The following BANP variants were observed in gnomAD, a reference collection of about 807,000 sequenced individuals.
BANP encodes BTG3 associated nuclear protein, also known as protein BANP.
A neutral mutation model predicts 68.1 loss-of-function variants in BANP; 11 were observed. That is an observed-to-expected ratio of 0.16 (90% CI 0.10 to 0.27). The LOEUF is 0.27. BANP is among the 10% of genes least tolerant of loss of function. The pLI is 1.00. For synonymous variants in BANP, 329 were observed against 303.2 expected (o/e 1.09, Z -0.88); for missense variants, 504 against 722.7 (o/e 0.70, Z 3.47).
chr16:88,053,388 TATC>T (rs1453225414), intron 11 of BANP, among the ~76,000 whole-genome samples: 3 of 124,680 alleles, frequency 2.4e-5, no homozygotes, highest in Admixed American at 1.6e-4. Flanking sequence ...CCTCCTTCAC[TATC>T]ATCACCATCA....
rs1445862002 is a variant in BANP, at chr16:87,957,090, G to A, written c.-69+5575G>A. On this transcript the variant is annotated intron_variant, in intron 1 of 13. Transcript: ENST00000682872. This position sits in a 1 kb window ranked among gnomAD's most constrained non-coding sequence, Gnocchi z 4.3. ...AAAGAACCACTCTGCAATCCTTCGC[G>A]TCTACACTTCGTCAAGAACCGTCCA... is the stretch of plus-strand genomic sequence containing the variant. 2.0e-5 allele frequency: 3 copies of A among 152,108 alleles called. No homozygotes were observed. The highest frequency in any genetic ancestry group is 2.9e-5 in the Non-Finnish European group (2 of 68,022). 9.4% of individuals were successfully genotyped at this position (152,108 alleles called of 1,614,324 possible). A position where few individuals can be genotyped will look rare whatever the true frequency, so the allele number is the denominator to read the frequency against.
At chr16:88,030,140 T>C (rs2077836861) in intron 8 of BANP, among the ~76,000 whole-genome samples, 1 of 152,172 alleles carries the variant, frequency 6.6e-6, no homozygotes, top group Non-Finnish European at 1.5e-5. Context: ...AACAACACTT[T>C]TAAAAGAAAG....
intron 5 of BANP, among the ~76,000 whole-genome samples, chr16:88,005,322 T>C (rs918985364): frequency 6.6e-6 from 1 of 152,152 alleles, no homozygotes; most frequent in African/African-American, 2.4e-5. Context: ...AAGTGCAGAG[T>C]GCAGCGCCCT....
chr16:88,004,314 G>A lies in BANP; in HGVS notation c.382G>A (p.Val128Ile). The A allele has an allele frequency of 6.5e-7, 1 of 1,547,662 alleles. No homozygotes were observed. Among genetic ancestry groups the A allele is most frequent in the Non-Finnish European group, 8.7e-7 (1 of 1,143,986 alleles). The change falls in exon 5 of 14, where the codon GTA becomes ATA. Residue 128 changes from valine (V) to isoleucine (I), a missense_variant. By Grantham distance (29) the Val-to-Ile change is conservative. Coordinates refer to ENST00000682872, the MANE Select transcript of BANP (RefSeq NM_001386991.1). The surrounding 1 kb of genome is among the most constrained non-coding windows in gnomAD (Gnocchi z 7.0). ...CCCTAGCGTCGTCCCCCAGACTACA[G>A]TAATACTCAACAATGATCGGCAGAA... ...KVRCVVPQTTVILNNDRQNAI... is the reference protein window; with the variant it reads ...KVRCVVPQTTIILNNDRQNAI...
In BANP at chr16:87,959,276, T is replaced by A. The variant is rs1183134771; in HGVS notation, c.-69+7761T>A. Reference sequence around the variant, plus strand: ...TATGTAATTTTCTCATCATGAAATATTGTTCTTTTGTTATTTTTCTGTTTT... The same window carrying A: ...TATGTAATTTTCTCATCATGAAATAATGTTCTTTTGTTATTTTTCTGTTTT... On this transcript the variant is annotated intron_variant, in intron 1 of 13. Transcript: ENST00000682872. Among the ~76,000 whole-genome samples, 3 of 152,246 alleles carry A rather than the reference T, an allele frequency of 2.0e-5. No homozygotes were observed. In the East Asian group the frequency reaches 5.8e-4, roughly 29 times the overall value.
chr16:87,982,096 T>C (rs2063380622), intron 3 of BANP, among the ~76,000 whole-genome samples: 1 of 152,382 alleles, frequency 6.6e-6, no homozygotes, highest in Middle Eastern at 3.4e-3. Context: ...AATGCCTGTT[T>C]CCAACCAATG....
intron 4 of BANP, among the ~76,000 whole-genome samples, chr16:87,993,460 A>G (rs1467278057): frequency 6.6e-6 from 1 of 152,188 alleles, no homozygotes; most frequent in Non-Finnish European, 1.5e-5. Context: ...ACTCTGGGTT[A>G]GAATCTAGTT....
chr16:88,065,368 T>C, intron 12 of BANP, 36 bp downstream of exon 12: 1 of 740,764 alleles, frequency 1.3e-6, no homozygotes, highest in Non-Finnish European at 2.5e-6. Context: ...TCCCACCCTC[T>C]GTGGCTGGGA....
Position 88,057,679 on chromosome 16 carries a change from AG to A in BANP, c.1312-7585del, listed in dbSNP as rs1390166680. Among the ~76,000 whole-genome samples, 1 of 144,724 alleles carries A rather than the reference AG, an allele frequency of 6.9e-6. No homozygotes were observed. The highest frequency in any genetic ancestry group is 1.5e-5 in the Non-Finnish European group (1 of 66,460). The allele number at this position is 144,724 out of a possible 152,430, so 94.9% of individuals were successfully genotyped here. On this transcript the variant is annotated intron_variant, in intron 11 of 13. Transcript: ENST00000682872. The surrounding 1 kb of genome is among the most constrained non-coding windows in gnomAD (Gnocchi z 4.6). Reference sequence around the variant, plus strand: ...TGGGTCCTGGTTCTTACATCCCAGAAGGGAAGTTGCGGCACTGTGCGAGACA... The same window carrying A: ...TGGGTCCTGGTTCTTACATCCCAGAAGGAAGTTGCGGCACTGTGCGAGACA...
chr16:88,063,955 T>G (rs1188840051), intron 11 of BANP, among the ~76,000 whole-genome samples: 1 of 152,188 alleles, frequency 6.6e-6, no homozygotes, highest in African/African-American at 2.4e-5. Flanking sequence ...GTTTCTACAT[T>G]GATTTTGTTT....
In BANP at chr16:87,957,508, C is replaced by T. The variant is rs759245484; in HGVS notation, c.-69+5993C>T. ...CAGGAGACCTGGGGCGGTTTTGAGG[C>T]AAGCTCACGGAGGCCTGCCGCAGGG... On this transcript the variant is annotated intron_variant, in intron 1 of 13. Transcript: ENST00000682872. The surrounding 1 kb of genome is among the most constrained non-coding windows in gnomAD (Gnocchi z 4.3). 3.9e-5 allele frequency among the ~76,000 whole-genome samples: 6 copies of T among 152,230 alleles called. No individual in the cohort carries two copies. Among genetic ancestry groups the T allele is most frequent in the Admixed American group, 6.5e-5 (1 of 15,280 alleles).
At chr16:87,961,221 C>G in intron 1 of BANP, among the ~76,000 whole-genome samples, 1 of 152,340 alleles carries the variant, frequency 6.6e-6, no homozygotes. Flanking sequence ...ACACTTGTTG[C>G]GTGTTGGTGT....
Position 88,038,861 on chromosome 16 carries a change from G to A in BANP, c.1311+850G>A, listed in dbSNP as rs141027236. 2.0e-3 allele frequency among the ~76,000 whole-genome samples: 298 copies of A among 152,316 alleles called. 2 individuals carry two copies. The highest frequency in any genetic ancestry group is 6.2e-3 in the South Asian group (30 of 4,826). The stretch of plus-strand genomic sequence containing the variant: ...GATCTTCCCATTTCATAAAACAGAA[G>A]CTGGGAAGTTGACAGTGAGAACCAT... On this transcript the variant is annotated intron_variant, in intron 11 of 13. Transcript: ENST00000682872.
intron 6 of BANP, among the ~76,000 whole-genome samples, chr16:88,013,120 G>A (rs1053597955): frequency 3.3e-5 from 5 of 152,242 alleles, no homozygotes; most frequent in African/African-American, 1.2e-4. Flanking sequence ...ATCACTGGTT[G>A]TTAATAGGCA....
intron 7 of BANP, among the ~76,000 whole-genome samples, chr16:88,025,744 T>A (rs187269610): frequency 6.6e-6 from 1 of 152,222 alleles, no homozygotes; most frequent in African/African-American, 2.4e-5. Context: ...CTGTTTTAAT[T>A]ATTTCCACCA....
At chr16:88,062,526 G>A (rs551041817) in intron 11 of BANP, among the ~76,000 whole-genome samples, 1 of 152,332 alleles carries the variant, frequency 6.6e-6, no homozygotes, top group African/African-American at 2.4e-5. Context: ...TCTGAATGGA[G>A]CTGGGAAAGT....
chr16:87,985,534 C>A (rs762078801), intron 4 of BANP, among the ~76,000 whole-genome samples: 7 of 151,780 alleles, frequency 4.6e-5, no homozygotes, highest in Non-Finnish European at 8.8e-5. Context: ...GTCCTCTTAC[C>A]CTAAAATGCA....
At chr16:88,031,648 C>CAAAAA (rs1230300944) in intron 8 of BANP, among the ~76,000 whole-genome samples, 1 of 109,510 alleles carries the variant, frequency 9.1e-6, no homozygotes, top group African/African-American at 3.0e-5. Flanking sequence ...GACTCTCTCT[C>CAAAAA]AAAAAAAAAA....
chr16:87,989,114 AAAAG>A (rs1425375352), intron 4 of BANP, among the ~76,000 whole-genome samples: 4 of 152,364 alleles, frequency 2.6e-5, no homozygotes, highest in African/African-American at 9.6e-5. Flanking sequence ...AAAGAAAAGA[AAAAG>A]AAAGCCCCTC....
Sources: allele counts gnomAD v4.1 joint callset (sites outside exome capture counted in the v4.1 genomes callset), GRCh38; gene constraint gnomAD v4.1.1; non-coding constraint Gnocchi (gnomAD v3.1); transcripts MANE v1.5; gene names NCBI Gene and HGNC (gene_info 2026-07-23, HGNC 2026-07-21).